The following OR2L13 variants were observed in gnomAD, a reference collection of about 807,000 sequenced individuals.
The protein encoded by OR2L13 is olfactory receptor 2L13.
In OR2L13, 14 loss-of-function variants were observed where a neutral mutation model predicts 15.3. That is an observed-to-expected ratio of 0.91 (90% CI 0.60 to 1.43). The LOEUF is 1.43. Among genes scored for constraint, OR2L13 ranks in the 40% most tolerant of loss-of-function variants. The pLI is 0.00. For synonymous variants in OR2L13, 152 were observed against 142.9 expected, an observed-to-expected ratio of 1.06 and a Z score of -0.45; for missense variants, 367 against 387.9, an observed-to-expected ratio of 0.95 and a Z score of 0.45.
Position 248,100,128 on chromosome 1 carries a change from T to C in OR2L13, c.753T>C (p.Tyr251=), listed in dbSNP as rs560718898. 1.1e-5 allele frequency: 17 copies of C among 1,614,026 alleles called. No homozygotes were observed. The South Asian group carries it at 1.4e-4, about 14-fold the overall frequency. ...ATTTAACTGTAGTGATCTTTTACTA[T>C]GCACCTTTTGTCTACACCTATCTTC... Residue 251 remains tyrosine, a synonymous_variant, in exon 3 of 3, where the codon TAT becomes TAC. Coordinates refer to ENST00000641714, the Ensembl canonical transcript of OR2L13.
chr1:248,018,007 T>C, the OR2L13 span, among the ~76,000 whole-genome samples: 1 of 151,974 alleles, frequency 6.6e-6, no homozygotes, highest in Non-Finnish European at 1.5e-5. Flanking sequence ...TAAAAAAAAT[T>C]AGCCTGGCGT....
chr1:248,100,012 A>T, exon 3 of OR2L13: 2 of 1,614,146 alleles, frequency 1.2e-6, no homozygotes, highest in African/African-American at 2.7e-5. Context: ...TTTCATTGGC[A>T]TCACTTCTTC....
chr1:248,003,414 G>A, the OR2L13 span: 257 of 1,609,568 alleles, frequency 1.6e-4, no homozygotes, highest in Admixed American at 9.7e-4. Context: ...TCCTTCACTG[G>A]GTGTGGGATT....
the OR2L13 span, among the ~76,000 whole-genome samples, chr1:247,953,754 G>T: frequency 6.6e-6 from 1 of 151,868 alleles, no homozygotes; most frequent in Non-Finnish European, 1.5e-5. Context: ...ATACTCTTTC[G>T]GTACCCTCCC....
the OR2L13 span, among the ~76,000 whole-genome samples, chr1:247,958,435 A>T: frequency 1.3e-5 from 2 of 152,104 alleles, no homozygotes; most frequent in African/African-American, 4.8e-5. Context: ...TGGGGTGGAG[A>T]GTTCCGTAGA....
chr1:248,038,650 C>A, the OR2L13 span: 1 of 1,614,174 alleles, frequency 6.2e-7, no homozygotes, highest in East Asian at 2.2e-5. Context: ...ATTTGCTTTC[C>A]TCTCCACTAT....
the OR2L13 span, chr1:247,966,226 C>T: frequency 6.2e-7 from 1 of 1,613,414 alleles, no homozygotes; most frequent in South Asian, 1.1e-5. Context: ...TGTCACACCT[C>T]TACTGAACCC....
the OR2L13 span, among the ~76,000 whole-genome samples, chr1:248,082,042 C>T: frequency 1.3e-4 from 19 of 151,668 alleles, no homozygotes; most frequent in South Asian, 6.3e-4. Flanking sequence ...CACATGCACA[C>T]GTATGTTTAT....
the OR2L13 span, among the ~76,000 whole-genome samples, chr1:248,017,061 C>T: frequency 6.6e-6 from 1 of 152,116 alleles, no homozygotes; most frequent in South Asian, 2.1e-4. Context: ...TTTGCTTTTC[C>T]TAATCGCTGT....
At chr1:247,985,137 A>G in the OR2L13 span, among the ~76,000 whole-genome samples, 6,492 of 152,188 alleles carry the variant, frequency 0.043, 457 homozygotes, top group African/African-American at 0.15. Context: ...GTTCTAGGGT[A>G]CATGTGCACA....
At chr1:248,084,691 A>G in the OR2L13 span, 16,942 of 1,486,830 alleles carry the variant, frequency 0.011, 1,681 homozygotes, top group African/African-American at 0.21. Flanking sequence ...TTTTTTTCAT[A>G]GAAAATTCAC....
chr1:247,950,524 G>A, the OR2L13 span, among the ~76,000 whole-genome samples: 1 of 152,164 alleles, frequency 6.6e-6, no homozygotes, highest in Non-Finnish European at 1.5e-5. Context: ...AGAATTGGGA[G>A]TTTAGTTTCA....
At chr1:248,028,140 C>CAAAAAAAAAAAAAAAAA in the OR2L13 span, among the ~76,000 whole-genome samples, 1 of 37,780 alleles carries the variant, frequency 2.6e-5, no homozygotes, top group Non-Finnish European at 4.9e-5. Context: ...GATTCCGTCT[C>CAAAAAAAAAAAAAAAAA]AAAAAAAAAA....
chr1:248,004,050 T>C, the OR2L13 span: 3 of 1,610,496 alleles, frequency 1.9e-6, no homozygotes. Context: ...AGTCAGAGAA[T>C]CTGCTCTGTG....
At chr1:248,072,304 A>G in the OR2L13 span, among the ~76,000 whole-genome samples, 1 of 152,236 alleles carries the variant, frequency 6.6e-6, no homozygotes, top group Non-Finnish European at 1.5e-5. Context: ...AACAGAACAG[A>G]GTCCTCAGAA....
the OR2L13 span, among the ~76,000 whole-genome samples, chr1:248,043,250 G>A: frequency 1.3e-5 from 2 of 152,170 alleles, no homozygotes; most frequent in African/African-American, 2.4e-5. Flanking sequence ...AAGTCAGGTA[G>A]AGAAGTAAGT....
chr1:248,094,191 C>A (rs1474467675), upstream of OR2L13, among the ~76,000 whole-genome samples: 1 of 151,834 alleles, frequency 6.6e-6, no homozygotes, highest in African/African-American at 2.4e-5. Context: ...TGAATATATG[C>A]AACCATTAGA....
At chr1:248,097,204 T>A (rs951388598), upstream of OR2L13, 1 of 152,230 alleles carries the variant, frequency 6.6e-6, no homozygotes, top group Non-Finnish European at 1.5e-5. Context: ...GAAGTGTTTC[T>A]GGGCTGCAGC....
At chr1:247,985,055 A>G in the OR2L13 span, among the ~76,000 whole-genome samples, 2 of 152,176 alleles carry the variant, frequency 1.3e-5, no homozygotes, top group Non-Finnish European at 2.9e-5. Flanking sequence ...GCATGTGTCA[A>G]AACTTCATTC....
Sources: allele counts gnomAD v4.1 joint callset (sites outside exome capture counted in the v4.1 genomes callset), GRCh38; gene constraint gnomAD v4.1.1; transcripts MANE v1.5; gene names NCBI Gene and HGNC (gene_info 2026-07-23, HGNC 2026-07-21).